PSAT1: variants seen among roughly 807,000 people sequenced by gnomAD.
PSAT1 encodes phosphoserine aminotransferase.
A neutral mutation model predicts 40.3 loss-of-function variants in PSAT1; 41 were observed. That is an observed-to-expected ratio of 1.02 (90% CI 0.79 to 1.32). The LOEUF is 1.32. Among genes scored for constraint, PSAT1 ranks in the 40% most tolerant of loss-of-function variants. The pLI is 0.00. For missense variants in PSAT1, 406 were observed against 455.8 expected (o/e 0.89, Z 0.99); for synonymous variants, 147 against 170.5 (o/e 0.86, Z 1.07).
chr9:78,307,400 A>G (rs990342067), intron 5 of PSAT1, among the ~76,000 whole-genome samples: 10 of 152,240 alleles, frequency 6.6e-5, no homozygotes, highest in African/African-American at 2.4e-4. Context: ...TGTGTGTCAG[A>G]GCTTCCTTTC....
chr9:78,324,724 C>T (rs936656402), intron 7 of PSAT1, among the ~76,000 whole-genome samples: 3 of 151,860 alleles, frequency 2.0e-5, no homozygotes, highest in African/African-American at 7.3e-5. Flanking sequence ...GAAAAAGAAA[C>T]TTTGACAGGG....
intron 7 of PSAT1, among the ~76,000 whole-genome samples, chr9:78,324,202 C>T (rs999121805): frequency 6.6e-6 from 1 of 152,132 alleles, no homozygotes; most frequent in African/African-American, 2.4e-5. Flanking sequence ...TGGGGTTCCT[C>T]ATTTACGTGG....
chr9:78,317,556 G>A (rs1828364141), intron 6 of PSAT1, 120 bp from the exon 7 acceptor site: 5 of 1,215,410 alleles, frequency 4.1e-6, no homozygotes, highest in Admixed American at 1.7e-5. Context: ...TGACTATCTT[G>A]TCTATTTCAA....
In PSAT1 at chr9:78,308,553, G is replaced by A; in HGVS notation, c.710G>A (p.Ser237Asn). ...VLEYKVQAGN[S>N]SLYNTPPCFS... is the part of the protein sequence containing the mutation. ...GAATACAAGGTGCAGGCTGGAAACA[G>A]CTCCTTGTACAACACGCCTCCATGT... The change falls in exon 6 of 9, where the codon AGC (serine) becomes AAC (asparagine). Residue 237 changes from serine (S) to asparagine (N), a missense_variant. Ser to Asn is a conservative substitution (Grantham distance 46). Coordinates refer to ENST00000376588, the MANE Select transcript of PSAT1 (RefSeq NM_058179.4). 3.1e-6 allele frequency: 5 copies of A among 1,614,104 alleles called. No individual in the cohort carries two copies. The highest frequency in any genetic ancestry group is 4.2e-6 in the Non-Finnish European group (5 of 1,180,018).
In PSAT1 at chr9:78,323,691, A is replaced by C. The variant is rs148547392; in HGVS notation, c.870-4360A>C. Among the ~76,000 whole-genome samples, 107 of 152,294 alleles carry C rather than the reference A, an allele frequency of 7.0e-4. 1 individual carries two copies. The South Asian group carries it at 0.016, about 23-fold the overall frequency. On this transcript the variant is annotated intron_variant, in intron 7 of 8. Transcript: ENST00000376588. Reference sequence around the variant, plus strand: ...CACAGACGTACATGTGTATATCTAAAATGATCTTCAGGAATGCACAGCAGA... The same window carrying C: ...CACAGACGTACATGTGTATATCTAACATGATCTTCAGGAATGCACAGCAGA...
At chr9:78,312,557 A>G (rs1313544115) in intron 6 of PSAT1, among the ~76,000 whole-genome samples, 1 of 152,052 alleles carries the variant, frequency 6.6e-6, no homozygotes, top group Non-Finnish European at 1.5e-5. Flanking sequence ...TTAGCCAGGC[A>G]TGGTGGCACA....
intron 6 of PSAT1, among the ~76,000 whole-genome samples, chr9:78,309,253 GAGA>G (rs1315259107): frequency 1.3e-5 from 2 of 152,228 alleles, no homozygotes; most frequent in Non-Finnish European, 2.9e-5. Flanking sequence ...TGCAGCTTTG[GAGA>G]AGAACTTTCA....
At chr9:78,311,257 T>C (rs11137598) in intron 6 of PSAT1, among the ~76,000 whole-genome samples, 43,943 of 151,886 alleles carry the variant, frequency 0.29, 6,553 homozygotes, top group East Asian at 0.45. Flanking sequence ...GGCCGAGATG[T>C]CAGGCTGCAC....
Position 78,328,042 on chromosome 9 carries a change from G to A in PSAT1, c.870-9G>A, listed in dbSNP as rs968717390. ...GAAAAGTAGCTGGAATAATAAACATGTTTTTCAGTTGTCCAGTGGAGCCCC... is the reference window on the plus strand; with the variant it reads ...GAAAAGTAGCTGGAATAATAAACATATTTTTCAGTTGTCCAGTGGAGCCCC... On this transcript the variant is annotated splice_polypyrimidine_tract_variant and intron_variant, in intron 7 of 8. Coordinates refer to ENST00000376588, the MANE Select transcript of PSAT1 (RefSeq NM_058179.4). 6.2e-7 allele frequency: 1 copy of A among 1,609,328 alleles called. No homozygotes were observed.
At chr9:78,328,921 G>A in intron 8 of PSAT1, 60 bp from the exon 9 acceptor site, 1 of 1,329,398 alleles carries the variant, frequency 7.5e-7, no homozygotes, top group Non-Finnish European at 1.1e-6. Context: ...CTAGAAAAAG[G>A]TGTTTTGATG....
chr9:78,304,999 A>G (rs1469175185), intron 4 of PSAT1, 59 bp downstream of exon 4: 9 of 1,486,286 alleles, frequency 6.1e-6, no homozygotes, highest in Non-Finnish European at 7.5e-6. Flanking sequence ...ACCCCGACCC[A>G]GGGCAATCTG....
Position 78,297,130 on chromosome 9 carries a change from C to G in PSAT1, c.-81C>G. ...GCGGGGGTTCGGGGCCGGCTGCAGA[C>G]TCTCACCGCAGCGGCCAGGAACGCC... On this transcript the variant is annotated 5_prime_UTR_variant, in exon 1 of 9. Coordinates refer to ENST00000376588, the MANE Select transcript of PSAT1 (RefSeq NM_058179.4). 3 of 1,432,336 alleles carry G rather than the reference C, an allele frequency of 2.1e-6. No individual in the cohort carries two copies. The highest frequency in any genetic ancestry group is 2.9e-6 in the Non-Finnish European group (3 of 1,047,118). The allele number at this position is 1,432,336 out of a possible 1,614,324, so 88.7% of individuals were successfully genotyped here.
Position 78,297,193 on chromosome 9 carries a change from C to T in PSAT1, c.-18C>T, listed in dbSNP as rs377056841. 9.0e-5 allele frequency: 144 copies of T among 1,593,642 alleles called. No homozygotes were observed. In the African/African-American group the frequency reaches 1.7e-3, roughly 18 times the overall value. ...GTTCGGTCCTCCTTGGCTGACTCACCGCCCTGGCCGCCGCACCATGGACGC... is the reference window on the plus strand; with the variant it reads ...GTTCGGTCCTCCTTGGCTGACTCACTGCCCTGGCCGCCGCACCATGGACGC... On this transcript the variant is annotated 5_prime_UTR_variant, in exon 1 of 9. Transcript: ENST00000376588.
At chr9:78,323,303 G>A (rs1564019312) in intron 7 of PSAT1, among the ~76,000 whole-genome samples, 1 of 152,180 alleles carries the variant, frequency 6.6e-6, no homozygotes, top group Non-Finnish European at 1.5e-5. Context: ...AGGGACAGTG[G>A]CTGATGCTTG....
At chr9:78,312,537 A>G (rs905562511) in intron 6 of PSAT1, among the ~76,000 whole-genome samples, 2 of 152,132 alleles carry the variant, frequency 1.3e-5, no homozygotes, top group Admixed American at 6.5e-5. Flanking sequence ...CTCTACTAAA[A>G]ATACAAAAAT....
Position 78,308,457 on chromosome 9 carries a change from C to G in PSAT1, c.614C>G (p.Ala205Gly), listed in dbSNP as rs927197888. The change falls in exon 6 of 9, where the codon GCT becomes GGT. Residue 205 changes from alanine to glycine, a missense_variant. Ala to Gly is a moderately conservative substitution (Grantham distance 60). Coordinates refer to ENST00000376588, the MANE Select transcript of PSAT1 (RefSeq NM_058179.4). The stretch of plus-strand genomic sequence containing the variant: ...GGTGCCCAGAAGAATGTTGGCTCTG[C>G]TGGGGTCACCGTGGTGATTGTCCGT... ...FAGAQKNVGS[A>G]GVTVVIVRDD... is the part of the protein sequence containing the mutation. 1 of 1,613,812 alleles carries G rather than the reference C, an allele frequency of 6.2e-7. No individual in the cohort carries two copies. The highest frequency in any genetic ancestry group is 8.5e-7 in the Non-Finnish European group (1 of 1,179,840).
chr9:78,317,882 T>G, intron 7 of PSAT1, 78 bp downstream of exon 7: 1 of 1,495,690 alleles, frequency 6.7e-7, no homozygotes, highest in Non-Finnish European at 9.3e-7. Flanking sequence ...CTTTGAAAAG[T>G]GGACATATTC....
chr9:78,308,610 C>G (rs755037060), intron 6 of PSAT1, 27 bp downstream of exon 6: 5 of 1,612,212 alleles, frequency 3.1e-6, no homozygotes, highest in Non-Finnish European at 3.4e-6. Flanking sequence ...GTCTTGTGGA[C>G]CCAGGGAGGG....
At chr9:78,300,710 C>CTTTTTTTTTTTT (rs753207413) in intron 2 of PSAT1, 48 bp downstream of exon 2, 1 of 908,584 alleles carries the variant, frequency 1.1e-6, no homozygotes, top group Admixed American at 6.1e-5. Flanking sequence ...TCAAAGGAAG[C>CTTTTTTTTTTTT]TTTTTTTTTT....
Sources: allele counts gnomAD v4.1 joint callset (sites outside exome capture counted in the v4.1 genomes callset), GRCh38; gene constraint gnomAD v4.1.1; transcripts MANE v1.5; gene names NCBI Gene and HGNC (gene_info 2026-07-23, HGNC 2026-07-21).